NUMB: variants seen among roughly 807,000 people sequenced by gnomAD.
NUMB encodes the protein protein numb homolog.
A neutral mutation model predicts 59.7 loss-of-function variants in NUMB; 29 were observed. The ratio of observed to expected loss-of-function variants is 0.49; its 90% CI spans 0.36 to 0.66. NUMB has a LOEUF of 0.66. Ranked by LOEUF, NUMB falls within the 30% of genes least tolerant of loss-of-function variation. The pLI, the probability that NUMB is intolerant of heterozygous loss-of-function variation, is 0.00. For missense variants in NUMB, 723 were observed against 822.0 expected (o/e 0.88, Z 1.47); for synonymous variants, 288 against 288.2 (o/e 1.00, Z 0.01).
At chr14:73,298,235 G>C (rs918982425) in intron 6 of NUMB, 1 of 152,334 alleles carries the variant, frequency 6.6e-6, no homozygotes, top group Non-Finnish European at 1.5e-5. Context: ...CCAGGCTGGA[G>C]TGCAGTGGCT....
intron 1 of NUMB, among the ~76,000 whole-genome samples, chr14:73,445,379 A>ACTT (rs1265897297): frequency 7.9e-6 from 1 of 125,976 alleles, no homozygotes; most frequent in African/African-American, 2.7e-5. Context: ...AAAAAAAAAA[A>ACTT]AAAAAAAAAA....
chr14:73,416,678 T>TA (rs1006205408), intron 1 of NUMB, among the ~76,000 whole-genome samples: 2 of 151,956 alleles, frequency 1.3e-5, no homozygotes, highest in African/African-American at 2.4e-5. Flanking sequence ...CCTTATCTAC[T>TA]AAAAATACAA....
chr14:73,432,487 T>A lies in NUMB; in HGVS notation c.-232-22419A>T, dbSNP rs151032173. On this transcript the variant is annotated intron_variant, in intron 1 of 12. Coordinates refer to ENST00000555238, the MANE Select transcript of NUMB (RefSeq NM_001005743.2). ...AAAATAACGTACTCATTATTCACTA[T>A]AATTTTTAGAATATTTCAGCATTAA... is the stretch of plus-strand genomic sequence containing the variant. 1.7e-4 allele frequency among the ~76,000 whole-genome samples: 26 copies of A among 152,106 alleles called. 1 individual carries two copies. Among genetic ancestry groups the A allele is most frequent in the African/African-American group, 6.0e-4 (25 of 41,440 alleles).
intron 1 of NUMB, among the ~76,000 whole-genome samples, chr14:73,441,376 C>T (rs1370492349): frequency 6.6e-6 from 1 of 151,966 alleles, no homozygotes; most frequent in Non-Finnish European, 1.5e-5. Flanking sequence ...AGTGAAACCC[C>T]GTCTCTACTA....
At chr14:73,369,262 C>T (rs923313758) in intron 2 of NUMB, among the ~76,000 whole-genome samples, 5 of 152,046 alleles carry the variant, frequency 3.3e-5, no homozygotes, top group Non-Finnish European at 7.4e-5. Context: ...AGGCTGGTCT[C>T]GAACTCCTGA....
chr14:73,435,419 G>A (rs112695805), intron 1 of NUMB, among the ~76,000 whole-genome samples: 253 of 151,526 alleles, frequency 1.7e-3, no homozygotes, highest in African/African-American at 6.0e-3. Flanking sequence ...GACTACAGGC[G>A]CCCGCCACCA....
At chr14:73,348,727 G>T (rs1893039662) in intron 4 of NUMB, among the ~76,000 whole-genome samples, 2 of 152,262 alleles carry the variant, frequency 1.3e-5, no homozygotes, top group East Asian at 3.9e-4. Context: ...AAAAGGCTGG[G>T]GACCACTGCT....
intron 1 of NUMB, among the ~76,000 whole-genome samples, chr14:73,450,970 G>A (rs544775789): frequency 5.9e-5 from 9 of 151,736 alleles, no homozygotes; most frequent in Admixed American, 2.6e-4. Context: ...TGAGCAACAC[G>A]GTGAAATCCC....
intron 1 of NUMB, among the ~76,000 whole-genome samples, chr14:73,449,265 A>G (rs1415195255): frequency 1.3e-5 from 2 of 152,110 alleles, no homozygotes; most frequent in African/African-American, 4.8e-5. Flanking sequence ...ACCATCTTAT[A>G]TAAGTGACCT....
At chr14:73,316,483 T>C (rs1177239171) in intron 5 of NUMB, 61 bp from the exon 6 acceptor site, 10 of 1,494,464 alleles carry the variant, frequency 6.7e-6, no homozygotes, top group Admixed American at 3.4e-5. Flanking sequence ...TCCCAGAGTT[T>C]CACACCAATA....
At chr14:73,432,054 C>CT (rs1897855003) in intron 1 of NUMB, among the ~76,000 whole-genome samples, 1 of 152,080 alleles carries the variant, frequency 6.6e-6, no homozygotes, top group Admixed American at 6.6e-5. Flanking sequence ...ACTTGTAACA[C>CT]TTTGTTATTC....
chr14:73,362,240 G>C (rs1054147656), intron 3 of NUMB, among the ~76,000 whole-genome samples: 1 of 151,914 alleles, frequency 6.6e-6, no homozygotes, highest in Non-Finnish European at 1.5e-5. Context: ...CTAGGTGACA[G>C]AGTGATACCT....
chr14:73,309,608 C>T (rs550682607), intron 6 of NUMB, among the ~76,000 whole-genome samples: 7 of 151,788 alleles, frequency 4.6e-5, no homozygotes, highest in South Asian at 2.1e-4. Context: ...CTAACACATG[C>T]GGGGTTTAAA....
At chr14:73,299,574 CATGACATATGTCATGTCATATATATGAT>C (rs1294317503) in intron 6 of NUMB, among the ~76,000 whole-genome samples, 187 of 89,328 alleles carry the variant, frequency 2.1e-3, no homozygotes, top group African/African-American at 1.0e-2. Context: ...ATATATATGA[CATGACATATGTCATGTCATATATATGAT>C]ATGACATATA....
intron 3 of NUMB, among the ~76,000 whole-genome samples, chr14:73,364,339 A>G (rs373994127): frequency 6.6e-6 from 1 of 151,786 alleles, no homozygotes; most frequent in South Asian, 2.1e-4. Context: ...CCCCATCTCT[A>G]CTAAAAGTAC....
At chr14:73,355,545 T>C in intron 4 of NUMB, 81 bp downstream of exon 4, 4 of 1,287,346 alleles carry the variant, frequency 3.1e-6, no homozygotes, top group Non-Finnish European at 4.2e-6. Flanking sequence ...CTCTCTTAAT[T>C]GTCCTTATTA....
At chr14:73,298,233 G>C (rs1484813279) in intron 6 of NUMB, 1 of 152,324 alleles carries the variant, frequency 6.6e-6, no homozygotes. Context: ...GCCCAGGCTG[G>C]AGTGCAGTGG....
chr14:73,371,488 T>C (rs1260520595), intron 2 of NUMB, among the ~76,000 whole-genome samples: 2 of 152,036 alleles, frequency 1.3e-5, no homozygotes, highest in African/African-American at 4.8e-5. Context: ...TGAGCCGAGA[T>C]TGCGCCACTG....
In NUMB at chr14:73,280,686, A is replaced by ATTTTTTT. The variant is rs397852698; in HGVS notation, c.1097-1269_1097-1263dup. Among the ~76,000 whole-genome samples, 24 of 87,686 alleles carry ATTTTTTT rather than the reference A, an allele frequency of 2.7e-4. 1 individual carries two copies. The highest frequency in any genetic ancestry group is 7.8e-4 in the South Asian group (2 of 2,578). The allele number at this position is 87,686 out of a possible 152,430, so 57.5% of individuals were successfully genotyped here. ...CAGCCATGCCTATGGTGTTGGTACT[A>ATTTTTTT]TTTTTTTTTTTTTTTTTTTTTTTTG... is the stretch of plus-strand genomic sequence containing the variant. On this transcript the variant is annotated intron_variant, in intron 11 of 12. Coordinates refer to ENST00000555238, the MANE Select transcript of NUMB (RefSeq NM_001005743.2).
Sources: gnomAD v4.1 joint callset for allele counts (sites outside exome capture counted in the v4.1 genomes callset) on GRCh38, gnomAD v4.1.1 for gene constraint, MANE v1.5 for transcripts, NCBI Gene and HGNC (gene_info 2026-07-23, HGNC 2026-07-21) for gene names.